Variants in MACROD2 observed in about 807,000 individuals in gnomAD.
MACROD2 encodes ADP-ribose glycohydrolase MACROD2.
Under a neutral mutation model 70.4 loss-of-function variants are expected in MACROD2, and 36 were observed. The observed-to-expected ratio is 0.51, with a 90% confidence interval of 0.39 to 0.68. The LOEUF (loss-of-function observed/expected upper bound fraction) is 0.68. Among genes scored for constraint, MACROD2 ranks in the 30% least tolerant of loss-of-function variants. The pLI is 0.00. For synonymous variants in MACROD2, 172 were observed against 178.8 expected, an observed-to-expected ratio of 0.96 and a Z score of 0.30; for missense variants, 496 against 538.4, an observed-to-expected ratio of 0.92 and a Z score of 0.78.
chr20:15,394,610 G>A (rs1054434126), intron 6 of MACROD2, among the ~76,000 whole-genome samples: 4 of 152,218 alleles, frequency 2.6e-5, no homozygotes, highest in African/African-American at 9.6e-5. Flanking sequence ...AAGTGGTTCT[G>A]AAGGAGTATC....
intron 3 of MACROD2, among the ~76,000 whole-genome samples, chr20:14,267,931 T>A (rs1213964241): frequency 6.6e-6 from 1 of 151,792 alleles, no homozygotes. Flanking sequence ...AGAAATAGGA[T>A]ATCAATTTTT....
intron 13 of MACROD2, among the ~76,000 whole-genome samples, chr20:15,982,657 G>T (rs763442595): frequency 3.7e-4 from 57 of 152,280 alleles, no homozygotes; most frequent in African/African-American, 1.3e-3. Flanking sequence ...GTTAAACTGG[G>T]CTCTCTGATA....
chr20:15,957,137 G>T (rs1369580936), intron 12 of MACROD2, among the ~76,000 whole-genome samples: 1 of 152,130 alleles, frequency 6.6e-6, no homozygotes, highest in African/African-American at 2.4e-5. Flanking sequence ...TAGAGTGAGG[G>T]TAGTGGCTGG....
intron 8 of MACROD2, among the ~76,000 whole-genome samples, chr20:15,746,785 G>A (rs76054726): frequency 0.023 from 3,462 of 152,068 alleles, 107 homozygotes; most frequent in African/African-American, 0.071. Context: ...ATGTGCTAAT[G>A]AACTTGTGAA....
At chr20:15,970,744 AC>A (rs974283145) in intron 13 of MACROD2, among the ~76,000 whole-genome samples, 1 of 152,180 alleles carries the variant, frequency 6.6e-6, no homozygotes, top group Non-Finnish European at 1.5e-5. Flanking sequence ...TCAGTCTTCA[AC>A]TGGGTAGGAA....
chr20:14,868,440 A>T (rs2122412603), intron 5 of MACROD2, among the ~76,000 whole-genome samples: 1 of 152,156 alleles, frequency 6.6e-6, no homozygotes, highest in East Asian at 1.9e-4. Context: ...TGCTGGGATT[A>T]CAGACATGAG....
chr20:14,161,643 C>T (rs904279251), intron 3 of MACROD2, among the ~76,000 whole-genome samples: 8 of 149,164 alleles, frequency 5.4e-5, no homozygotes, highest in Admixed American at 4.0e-4. Flanking sequence ...GTGGCGCGAT[C>T]GCAGCTCACT....
chr20:14,245,311 C>T (rs1387123455), intron 3 of MACROD2, among the ~76,000 whole-genome samples: 3 of 150,414 alleles, frequency 2.0e-5, no homozygotes, highest in Non-Finnish European at 1.5e-5. Context: ...TGCAGTGAGC[C>T]GAGATTGTGC....
chr20:15,801,527 T>C (rs1340287717), intron 8 of MACROD2, among the ~76,000 whole-genome samples: 1 of 152,108 alleles, frequency 6.6e-6, no homozygotes, highest in African/African-American at 2.4e-5. Flanking sequence ...ATGGACTTAC[T>C]TCTGGAGTCT....
At position 14,411,018 on chromosome 20, in the gene MACROD2, T is replaced by A; in HGVS notation, c.272-82461T>A. 1.3e-5 allele frequency among the ~76,000 whole-genome samples: 2 copies of A among 152,132 alleles called. 1 individual carries two copies. The highest frequency in any genetic ancestry group is 2.9e-5 in the Non-Finnish European group (2 of 68,028). On this transcript the variant is annotated intron_variant, in intron 3 of 17. Coordinates refer to ENST00000684519, the MANE Select transcript of MACROD2 (RefSeq NM_001351661.2). The stretch of plus-strand genomic sequence containing the variant: ...GCCGACTTGAGGTCACTCTCATGGA[T>A]CCCTTCCAGAAAAGTATCACTGGGC...
intron 2 of MACROD2, among the ~76,000 whole-genome samples, chr20:14,009,917 A>G (rs947252461): frequency 2.6e-5 from 4 of 152,236 alleles, no homozygotes; most frequent in Non-Finnish European, 5.9e-5. Context: ...TGGGAGCAGA[A>G]TGATGAGAAC....
intron 9 of MACROD2, among the ~76,000 whole-genome samples, chr20:15,884,667 G>A (rs1458940545): frequency 6.6e-6 from 1 of 152,080 alleles, no homozygotes; most frequent in African/African-American, 2.4e-5. Flanking sequence ...GTCTGAATTT[G>A]TACTGCAATA....
At chr20:14,394,237 C>T (rs185553962) in intron 3 of MACROD2, among the ~76,000 whole-genome samples, 52 of 152,246 alleles carry the variant, frequency 3.4e-4, no homozygotes, top group Non-Finnish European at 2.5e-4. Context: ...AGCCTTTCAA[C>T]CCATGAAGAT....
At chr20:15,032,052 C>T (rs1007457858) in intron 5 of MACROD2, among the ~76,000 whole-genome samples, 20 of 152,204 alleles carry the variant, frequency 1.3e-4, no homozygotes, top group Admixed American at 3.9e-4. Context: ...GTCAGCGCTG[C>T]CTCAAGGGTG....
intron 5 of MACROD2, among the ~76,000 whole-genome samples, chr20:15,041,856 A>G (rs956674945): frequency 3.9e-5 from 6 of 152,114 alleles, no homozygotes; most frequent in African/African-American, 1.2e-4. Context: ...GCTTCATTAT[A>G]TTGTTCAATA....
At chr20:14,709,187 T>C (rs2071307055) in intron 5 of MACROD2, among the ~76,000 whole-genome samples, 1 of 152,108 alleles carries the variant, frequency 6.6e-6, no homozygotes, top group African/African-American at 2.4e-5. Context: ...TTTATACTTA[T>C]ACATTTCTTT....
chr20:14,579,182 C>G (rs1009707201), intron 4 of MACROD2, among the ~76,000 whole-genome samples: 1 of 135,714 alleles, frequency 7.4e-6, no homozygotes, highest in Non-Finnish European at 1.5e-5. Context: ...TCGCCCAGGC[C>G]GGACTGCGGA....
chr20:15,185,742 G>A (rs1202065273), intron 5 of MACROD2, among the ~76,000 whole-genome samples: 1 of 152,166 alleles, frequency 6.6e-6, no homozygotes, highest in African/African-American at 2.4e-5. Context: ...TCTAAACTAT[G>A]AACCAGAGGC....
intron 4 of MACROD2, among the ~76,000 whole-genome samples, chr20:14,671,146 A>AGT (rs1425146592): frequency 2.0e-4 from 30 of 152,206 alleles, no homozygotes; most frequent in Non-Finnish European, 5.9e-5. Context: ...GAGAATTGAT[A>AGT]GTGGGTAGGC....
Sources: allele counts gnomAD v4.1 joint callset (sites outside exome capture counted in the v4.1 genomes callset), GRCh38; gene constraint gnomAD v4.1.1; transcripts MANE v1.5; gene names NCBI Gene and HGNC (gene_info 2026-07-23, HGNC 2026-07-21).